Variants in ADAMTSL1 observed in about 807,000 individuals in gnomAD.
ADAMTSL1 encodes the protein ADAMTS-like protein 1.
A neutral mutation model predicts 201.8 loss-of-function variants in ADAMTSL1; 126 were observed. The ratio of observed to expected loss-of-function variants is 0.62; its 90% CI spans 0.54 to 0.72. The LOEUF is 0.72. Among genes scored for constraint, ADAMTSL1 ranks in the 30% least tolerant of loss-of-function variants. The probability of loss-of-function intolerance (pLI) is 0.00; values close to 1 mark genes in which losing one functional copy is unlikely to be tolerated. For synonymous variants in ADAMTSL1, 1,121 were observed against 903.4 expected (o/e 1.24, Z -4.32); for missense variants, 2,679 against 2,277.8 (o/e 1.18, Z -3.59).
At chr9:18,157,468 G>C (rs911598362) in intron 1 of ADAMTSL1, among the ~76,000 whole-genome samples, 4 of 151,754 alleles carry the variant, frequency 2.6e-5, no homozygotes, top group African/African-American at 9.7e-5. Context: ...TGACATTCTG[G>C]GACAGATCTT....
At chr9:18,369,321 T>C (rs1445637652) in intron 2 of ADAMTSL1, among the ~76,000 whole-genome samples, 2 of 152,214 alleles carry the variant, frequency 1.3e-5, no homozygotes, top group African/African-American at 2.4e-5. Context: ...GATATCACAA[T>C]TGTATCTATA....
chr9:18,769,802 A>T (rs767492264), intron 16 of ADAMTSL1, among the ~76,000 whole-genome samples: 3 of 152,200 alleles, frequency 2.0e-5, no homozygotes, highest in Non-Finnish European at 4.4e-5. Flanking sequence ...TGACAAATAT[A>T]GTCTTTATGC....
At chr9:18,073,359 G>A (rs1007587761) in intron 1 of ADAMTSL1, among the ~76,000 whole-genome samples, 7 of 152,284 alleles carry the variant, frequency 4.6e-5, no homozygotes, top group East Asian at 1.9e-4. Flanking sequence ...CTACTTGATC[G>A]CATGGACTCC....
intron 1 of ADAMTSL1, among the ~76,000 whole-genome samples, chr9:18,026,621 G>C (rs1820706667): frequency 1.3e-5 from 2 of 152,016 alleles, no homozygotes; most frequent in South Asian, 4.1e-4. Flanking sequence ...ATTGTCTTGA[G>C]GATTTTTGTG....
intron 14 of ADAMTSL1, among the ~76,000 whole-genome samples, chr9:18,717,233 A>T (rs1587971546): frequency 9.7e-5 from 1 of 10,258 alleles, no homozygotes; most frequent in Non-Finnish European, 8.3e-4. Context: ...CTTAAAGTAT[A>T]ATAATAATAA....
chr9:18,199,988 A>G (rs896071179), intron 2 of ADAMTSL1, among the ~76,000 whole-genome samples: 4 of 152,082 alleles, frequency 2.6e-5, no homozygotes, highest in South Asian at 2.1e-4. Flanking sequence ...TTGTCTGATT[A>G]TAATGAAATG....
At chr9:18,533,364 C>G in intron 3 of ADAMTSL1, 72 bp downstream of exon 3, 1 of 1,338,354 alleles carries the variant, frequency 7.5e-7, no homozygotes, top group Admixed American at 2.1e-5. Flanking sequence ...AGTTTTATAT[C>G]CTGAGCAGGA....
At chr9:18,018,483 G>A (rs535311040) in intron 1 of ADAMTSL1, among the ~76,000 whole-genome samples, 1 of 151,958 alleles carries the variant, frequency 6.6e-6, no homozygotes, top group Non-Finnish European at 1.5e-5. Context: ...ATATGGCTAT[G>A]GAATGTCACC....
intron 5 of ADAMTSL1, among the ~76,000 whole-genome samples, chr9:18,626,935 T>C (rs60371128): frequency 9.3e-4 from 135 of 145,660 alleles, no homozygotes; most frequent in African/African-American, 3.2e-3. Context: ...TCTTTCTTTC[T>C]TTCCTTTCTT....
At chr9:18,693,139 C>T (rs544044734) in intron 13 of ADAMTSL1, among the ~76,000 whole-genome samples, 8 of 152,324 alleles carry the variant, frequency 5.3e-5, no homozygotes, top group Admixed American at 5.2e-4. Context: ...TTCCAAAATG[C>T]TCCAGCGCTT....
At chr9:18,884,908 T>C (rs1828756998) in intron 23 of ADAMTSL1, among the ~76,000 whole-genome samples, 2 of 152,198 alleles carry the variant, frequency 1.3e-5, no homozygotes, top group Non-Finnish European at 2.9e-5. Context: ...TAGCATGAGA[T>C]TCTCTATTTG....
chr9:18,895,764 A>C (rs766071955), intron 26 of ADAMTSL1, among the ~76,000 whole-genome samples: 31 of 152,262 alleles, frequency 2.0e-4, no homozygotes, highest in Non-Finnish European at 4.1e-4. Flanking sequence ...TCACAGAGCC[A>C]GTCTACAGAG....
chr9:18,611,979 G>A (rs1311831196), intron 4 of ADAMTSL1, among the ~76,000 whole-genome samples: 2 of 152,112 alleles, frequency 1.3e-5, no homozygotes, highest in South Asian at 2.1e-4. Flanking sequence ...AGCCAGGCCA[G>A]GGGGTTGCCC....
At chr9:17,998,368 G>A (rs1819470148) in intron 1 of ADAMTSL1, among the ~76,000 whole-genome samples, 1 of 152,010 alleles carries the variant, frequency 6.6e-6, no homozygotes, top group Admixed American at 6.6e-5. Flanking sequence ...ATGGGGCTGG[G>A]AGGCAGAGCT....
At chr9:18,425,950 A>G (rs1447741261) in intron 2 of ADAMTSL1, among the ~76,000 whole-genome samples, 1 of 151,886 alleles carries the variant, frequency 6.6e-6, no homozygotes, top group Non-Finnish European at 1.5e-5. Flanking sequence ...AGATGTTATT[A>G]TTGAAAGATG....
At chr9:18,667,898 T>A (rs7045856) in intron 9 of ADAMTSL1, among the ~76,000 whole-genome samples, 142 of 152,276 alleles carry the variant, frequency 9.3e-4, no homozygotes, top group African/African-American at 3.1e-3. Context: ...CAGATTTTTT[T>A]AAATATAATG....
intron 3 of ADAMTSL1, among the ~76,000 whole-genome samples, chr9:18,535,957 A>G (rs1457693049): frequency 1.3e-5 from 2 of 152,174 alleles, no homozygotes; most frequent in African/African-American, 4.8e-5. Flanking sequence ...GCCAAATCAT[A>G]TCAGACTCTG....
intron 3 of ADAMTSL1, among the ~76,000 whole-genome samples, chr9:18,534,586 G>A (rs1819640182): frequency 6.6e-6 from 1 of 152,154 alleles, no homozygotes; most frequent in African/African-American, 2.4e-5. Flanking sequence ...TCAATATCAT[G>A]GGCATTTTTA....
intron 2 of ADAMTSL1, among the ~76,000 whole-genome samples, chr9:18,444,316 G>A (rs983471821): frequency 7.2e-5 from 11 of 152,044 alleles, no homozygotes; most frequent in African/African-American, 2.2e-4. Context: ...TGAGCTAATG[G>A]GTAATATATT....
Sources: gnomAD v4.1 joint callset for allele counts (sites outside exome capture counted in the v4.1 genomes callset) on GRCh38, gnomAD v4.1.1 for gene constraint, MANE v1.5 for transcripts, NCBI Gene and HGNC (gene_info 2026-07-23, HGNC 2026-07-21) for gene names.